RADIL: variants seen among roughly 807,000 people sequenced by gnomAD.
RADIL encodes Rap associating with DIL domain, also known as ras-associating and dilute domain-containing protein.
RADIL carries 99 observed loss-of-function variants against 97.6 expected under a neutral mutation model. That is an observed-to-expected ratio of 1.01 (90% CI 0.86 to 1.20). The LOEUF (loss-of-function observed/expected upper bound fraction) is 1.20. Ranked by LOEUF, RADIL falls within the 50% of genes most tolerant of loss-of-function variation. The pLI, the probability that RADIL is intolerant of heterozygous loss-of-function variation, is 0.00. For synonymous variants in RADIL, 803 were observed against 691.8 expected (o/e 1.16, Z -2.52); for missense variants, 1,765 against 1,498.9 (o/e 1.18, Z -2.93).
chr7:4,809,284 A>C (rs1271537747), intron 9 of RADIL: 1 of 985,140 alleles, frequency 1.0e-6, no homozygotes, highest in Admixed American at 6.2e-5. Flanking sequence ...CCCCCCTTCC[A>C]TCACGAGGTT....
At chr7:4,860,283 AGTGTGCTTTCTTG>A (rs1392290901) in intron 2 of RADIL, 34 of 1,613,830 alleles carry the variant, frequency 2.1e-5, no homozygotes, top group Non-Finnish European at 2.6e-5. Context: ...CCTTCTGTTG[AGTGTGCTTTCTTG>A]TCCTGAAGCA....
At chr7:4,801,557 T>C (rs10261754) in intron 12 of RADIL, 96 bp downstream of exon 12, 39,748 of 1,355,122 alleles carry the variant, frequency 0.029, 1,164 homozygotes, top group African/African-American at 0.15. Context: ...TAAGGAAACC[T>C]AGGACCCAAG....
intron 2 of RADIL, chr7:4,860,699 T>C: frequency 6.2e-7 from 1 of 1,614,206 alleles, no homozygotes; most frequent in Non-Finnish European, 8.5e-7. Flanking sequence ...ATGCTTGTAC[T>C]TTTGAAAGAA....
At chr7:4,839,893 C>T (rs887748866) in intron 2 of RADIL, among the ~76,000 whole-genome samples, 19 of 152,146 alleles carry the variant, frequency 1.2e-4, no homozygotes, top group Admixed American at 4.6e-4. Context: ...ATTACAGGCA[C>T]GTGCCACCAT....
chr7:4,840,193 G>T lies in RADIL; in HGVS notation c.536-3588C>A, dbSNP rs527857233. Among the ~76,000 whole-genome samples, 1 of 152,302 alleles carries T rather than the reference G, an allele frequency of 6.6e-6. No homozygotes were observed. The highest frequency in any genetic ancestry group is 2.4e-5 in the African/African-American group (1 of 41,558). Reference sequence around the variant, plus strand: ...TCCCAGGGGGTCGGCTGTCAGGCTTGTTGGGGGCCGACATGGCCTCCCAAG... The same window carrying T: ...TCCCAGGGGGTCGGCTGTCAGGCTTTTTGGGGGCCGACATGGCCTCCCAAG... On this transcript the variant is annotated intron_variant, in intron 2 of 14. Transcript: ENST00000399583. The surrounding 1 kb of genome is among the most constrained non-coding windows in gnomAD (Gnocchi z 5.6).
chr7:4,820,161 G>A (rs908908319), intron 6 of RADIL, among the ~76,000 whole-genome samples: 2 of 152,252 alleles, frequency 1.3e-5, no homozygotes, highest in African/African-American at 4.8e-5. Context: ...AGGACCAAGT[G>A]CACTGCAAGG....
rs1782924836 is a variant in RADIL, at chr7:4,824,584, T to C, written c.1455-2030A>G. On this transcript the variant is annotated intron_variant, in intron 5 of 14. Transcript: ENST00000399583. The surrounding 1 kb of genome is among the most constrained non-coding windows in gnomAD (Gnocchi z 6.7). ...CCTGCTCTCTCTGACGTCACTTCACTTTTGTCCACAAACAATGTTGACCTC... is the reference window on the plus strand; with the variant it reads ...CCTGCTCTCTCTGACGTCACTTCACCTTTGTCCACAAACAATGTTGACCTC... Among the ~76,000 whole-genome samples, 1 of 152,184 alleles carries C rather than the reference T, an allele frequency of 6.6e-6. No individual in the cohort carries two copies. Among genetic ancestry groups the C allele is most frequent in the Non-Finnish European group, 1.5e-5 (1 of 68,030 alleles).
At position 4,835,303 on chromosome 7, in the gene RADIL, G is replaced by T; in HGVS notation, c.784-64C>A. The T allele has an allele frequency of 1.9e-6, 3 of 1,562,596 alleles. No individual in the cohort carries two copies. Among genetic ancestry groups the T allele is most frequent in the Non-Finnish European group, 1.7e-6 (2 of 1,160,102 alleles). Reference sequence around the variant, plus strand: ...GCAGCACACGGGAAAAGCGTCCCGTGTCTAGTCACTGGTTGCTGAAGCAGC... The same window carrying T: ...GCAGCACACGGGAAAAGCGTCCCGTTTCTAGTCACTGGTTGCTGAAGCAGC... On this transcript the variant is annotated intron_variant, in intron 3 of 14. Transcript: ENST00000399583. The surrounding 1 kb of genome is among the most constrained non-coding windows in gnomAD (Gnocchi z 5.8).
chr7:4,874,517 G>A (rs547973646), intron 2 of RADIL, among the ~76,000 whole-genome samples: 4 of 152,184 alleles, frequency 2.6e-5, no homozygotes, highest in Non-Finnish European at 5.9e-5. Context: ...CATGGCTGAG[G>A]GTCACAGGAG....
Position 4,872,787 on chromosome 7 carries a change from G to A in RADIL, c.535+4818C>T, listed in dbSNP as rs1245781627. Among the ~76,000 whole-genome samples the A allele has an allele frequency of 6.6e-6, 1 of 152,172 alleles. No individual in the cohort carries two copies. Among genetic ancestry groups the A allele is most frequent in the Non-Finnish European group, 1.5e-5 (1 of 68,038 alleles). ...GGGGGGTAGCAGTGAACTAAGTGAT[G>A]AGTGAACCGGCAGGAAGCGCCTGGC... On this transcript the variant is annotated intron_variant, in intron 2 of 14. Coordinates refer to ENST00000399583, the MANE Select transcript of RADIL (RefSeq NM_018059.5). This position sits in a 1 kb window ranked among gnomAD's most constrained non-coding sequence, Gnocchi z 5.8.
chr7:4,839,365 G>T (rs560707828), intron 2 of RADIL, among the ~76,000 whole-genome samples: 1 of 151,752 alleles, frequency 6.6e-6, no homozygotes, highest in Non-Finnish European at 1.5e-5. Context: ...TATAATTTCC[G>T]TTTTTTTTAA....
chr7:4,799,723 G>A lies in RADIL; in HGVS notation c.3029C>T (p.Pro1010Leu), dbSNP rs373185479. The A allele has an allele frequency of 1.1e-4, 176 of 1,564,090 alleles. No homozygotes were observed. The highest frequency in any genetic ancestry group is 1.4e-4 in the Non-Finnish European group (157 of 1,157,890). ...CCCGTCGGCCGCTGCGGGGCTGCCC[G>A]GGAGCAGGGTCTGGATGTAGAGCCC... Reference protein sequence around the residue: ...APGLYIQTLLPGSPAAADGRL... With the variant: ...APGLYIQTLLLGSPAAADGRL... Residue 1010 changes from proline to leucine, a missense_variant, in exon 14 of 15, where the codon CCG (proline) becomes CTG (leucine). Transcript: ENST00000399583.
chr7:4,859,947 TTA>T (rs2115031390), intron 2 of RADIL: 1 of 1,613,996 alleles, frequency 6.2e-7, no homozygotes. Flanking sequence ...TCTGGATGGC[TTA>T]TGAGACATGT....
At position 4,834,737 on chromosome 7, in the gene RADIL, C is replaced by T; in HGVS notation, c.1286G>A (p.Gly429Asp). 1 of 1,408,872 alleles carries T rather than the reference C, an allele frequency of 7.1e-7. No homozygotes were observed. The highest frequency in any genetic ancestry group is 9.3e-7 in the Non-Finnish European group (1 of 1,074,150). The allele number at this position is 1,408,872 out of a possible 1,614,324, so 87.3% of individuals were successfully genotyped here. The change falls in exon 4 of 15, where the codon GGC (glycine) becomes GAC (aspartate). Residue 429 changes from glycine (G) to aspartate (D), a missense_variant. Coordinates refer to ENST00000399583, the MANE Select transcript of RADIL (RefSeq NM_018059.5). The surrounding 1 kb of genome is among the most constrained non-coding windows in gnomAD (Gnocchi z 6.0). ...QRIMTLIEPG[G>D]DDHKLTPAFL... ...GGCGGGGGTCAGCTTGTGGTCGTCG[C>T]CCCCCGGCTCGATCAACGTCATGAT... is the stretch of plus-strand genomic sequence containing the variant.
At chr7:4,833,699 C>T (rs1783211195) in intron 4 of RADIL, among the ~76,000 whole-genome samples, 2 of 152,204 alleles carry the variant, frequency 1.3e-5, no homozygotes, top group African/African-American at 4.8e-5. Context: ...AAGCGGGGCC[C>T]AGACTAGCGA....
chr7:4,832,146 C>T lies in RADIL; in HGVS notation c.1449G>A (p.Ala483=), dbSNP rs201386838. 1.3e-5 allele frequency: 21 copies of T among 1,610,150 alleles called. No homozygotes were observed. The highest frequency in any genetic ancestry group is 4.5e-5 in the East Asian group (2 of 44,864). Residue 483 remains alanine, a synonymous_variant, in exon 5 of 15, where the codon GCG becomes GCA. Coordinates refer to ENST00000399583, the MANE Select transcript of RADIL (RefSeq NM_018059.5). ...EKTKELAEKQ[A]QLQEPISLAS... ...AATAACCGGGTCATACTCACAGTTG[C>T]GCCTGCTTCTCTGCTAGTTCTTTGG...
chr7:4,811,249 G>T (rs1186824011), intron 9 of RADIL: 1 of 152,104 alleles, frequency 6.6e-6, no homozygotes, highest in African/African-American at 2.4e-5. Flanking sequence ...GTAACTGGTT[G>T]TGATGAATTA....
intron 2 of RADIL, chr7:4,861,897 G>T: frequency 2.1e-6 from 2 of 951,272 alleles, no homozygotes; most frequent in Non-Finnish European, 1.5e-6. Context: ...TGAGGCGGAA[G>T]GGCAGGGCTT....
In RADIL at chr7:4,872,847, C is replaced by T. The variant is rs1264071287; in HGVS notation, c.535+4758G>A. On this transcript the variant is annotated intron_variant, in intron 2 of 14. Transcript: ENST00000399583. This position sits in a 1 kb window ranked among gnomAD's most constrained non-coding sequence, Gnocchi z 5.8. ...CCCCACCAGACTCTGTAGGGGAGTCCGAGGTGAGGGGCAGGGGAGAGGCCT... is the reference window on the plus strand; with the variant it reads ...CCCCACCAGACTCTGTAGGGGAGTCTGAGGTGAGGGGCAGGGGAGAGGCCT... Among the ~76,000 whole-genome samples the T allele has an allele frequency of 2.0e-5, 3 of 152,122 alleles. No individual in the cohort carries two copies. Among genetic ancestry groups the T allele is most frequent in the African/African-American group, 7.2e-5 (3 of 41,418 alleles).
Sources: gnomAD v4.1 joint callset for allele counts (sites outside exome capture counted in the v4.1 genomes callset) on GRCh38, gnomAD v4.1.1 for gene constraint, Gnocchi (gnomAD v3.1) non-coding constraint, MANE v1.5 for transcripts, NCBI Gene and HGNC (gene_info 2026-07-23, HGNC 2026-07-21) for gene names.